Variants in CTBP1 observed in about 807,000 individuals in gnomAD.
The protein encoded by CTBP1 is C-terminal binding protein 1.
Under a neutral mutation model 42.1 loss-of-function variants are expected in CTBP1, and 11 were observed. That is an observed-to-expected ratio of 0.26 (90% CI 0.16 to 0.43). The LOEUF (loss-of-function observed/expected upper bound fraction) is 0.43, where lower values mean the gene tolerates loss of function less well. CTBP1 is among the 20% of genes least tolerant of loss of function. The pLI is 1.00. For missense variants in CTBP1, 399 were observed against 624.3 expected, an observed-to-expected ratio of 0.64 and a Z score of 3.85; for synonymous variants, 324 against 277.1, an observed-to-expected ratio of 1.17 and a Z score of -1.68.
intron 6 of CTBP1, 99 bp from the exon 7 acceptor site, chr4:1,214,572 C>G: frequency 7.1e-7 from 1 of 1,406,110 alleles, no homozygotes; most frequent in Non-Finnish European, 9.4e-7. Flanking sequence ...GAAGGCCCAG[C>G]TCCCTAGCCC....
intron 5 of CTBP1, 128 bp from the exon 6 acceptor site, chr4:1,216,333 G>A: frequency 3.1e-6 from 3 of 974,748 alleles, no homozygotes; most frequent in South Asian, 1.6e-5. Flanking sequence ...ACCAGCTGTG[G>A]TCAAGCCAAG....
At chr4:1,220,738 G>A (rs1456475999) in intron 5 of CTBP1, among the ~76,000 whole-genome samples, 1 of 152,254 alleles carries the variant, frequency 6.6e-6, no homozygotes. Flanking sequence ...CAAGCCAACC[G>A]GAAGGAGGGC....
chr4:1,213,660 A>G (rs2108702893), intron 7 of CTBP1, 55 bp from the exon 8 acceptor site: 1 of 1,581,356 alleles, frequency 6.3e-7, no homozygotes, highest in African/African-American at 1.3e-5. Flanking sequence ...CTGGGTACGG[A>G]GGGGAGGTGG....
chr4:1,219,998 G>C (rs1371055175), intron 5 of CTBP1, among the ~76,000 whole-genome samples: 1 of 152,236 alleles, frequency 6.6e-6, no homozygotes, highest in African/African-American at 2.4e-5. Context: ...CTTGAAGTCA[G>C]GAGTTCGAGC....
At chr4:1,213,864 G>T in intron 7 of CTBP1, 1 of 494,592 alleles carries the variant, frequency 2.0e-6, no homozygotes, top group Admixed American at 3.8e-5. Flanking sequence ...GAGCCCTGAT[G>T]GGGGGACATG....
At chr4:1,218,839 C>A (rs1253915512) in intron 5 of CTBP1, among the ~76,000 whole-genome samples, 3 of 152,148 alleles carry the variant, frequency 2.0e-5, no homozygotes. Flanking sequence ...AATCATTTAA[C>A]ACCTGATTAA....
rs199614101 is a variant in CTBP1 at position 1,212,301 on chromosome 4, G to A, written c.1229C>T (p.Pro410Leu). ...GGGCTTGACGGTTTGGCCAGGAGAAGGGGCGTGGGGCGGGTGGGCCACAGG... is the reference window on the plus strand; with the variant it reads ...GGGCTTGACGGTTTGGCCAGGAGAAAGGGCGTGGGGCGGGTGGGCCACAGG... The part of the protein sequence containing the change: ...LPPVAHPPHA[P>L]SPGQTVKPEA... Residue 410 changes from proline to leucine, a missense_variant, in exon 10 of 10, where the codon CCT becomes CTT. By Grantham distance (98) the Pro-to-Leu change is moderately conservative. This residue lies in a region of CTBP1 where 60 missense variants were observed against 46.5 expected (regional missense o/e 1.29). Transcript: ENST00000382952. 761 of 1,530,440 alleles carry A rather than the reference G, an allele frequency of 5.0e-4. No individual in the cohort carries two copies. Among genetic ancestry groups the A allele is most frequent in the Non-Finnish European group, 6.3e-4 (718 of 1,141,964 alleles). 94.8% of individuals were successfully genotyped at this position (1,530,440 alleles called of 1,614,324 possible).
At chr4:1,216,604 C>G in intron 5 of CTBP1, 2 of 288,118 alleles carry the variant, frequency 6.9e-6, no homozygotes, top group Non-Finnish European at 1.3e-5. Flanking sequence ...ATCCACCCAT[C>G]AATGTTTCCG....
At chr4:1,241,984 A>C (rs1225923988) in intron 1 of CTBP1, 6 of 1,007,974 alleles carry the variant, frequency 6.0e-6, no homozygotes, top group Non-Finnish European at 7.1e-6. Context: ...GGAACTTCCC[A>C]GGAGCCACCG....
chr4:1,213,307 G>A (rs1318563831), intron 8 of CTBP1, among the ~76,000 whole-genome samples, 171 bp downstream of exon 8: 1 of 152,220 alleles, frequency 6.6e-6, no homozygotes, highest in East Asian at 1.9e-4. Context: ...CACGACGCCA[G>A]GGCTCAACTT....
At chr4:1,220,578 C>A (rs751055739) in intron 5 of CTBP1, among the ~76,000 whole-genome samples, 10 of 152,248 alleles carry the variant, frequency 6.6e-5, no homozygotes, top group Non-Finnish European at 8.8e-5. Context: ...ACAGCCAAGA[C>A]CCTCGTCAAG....
chr4:1,242,971 G>A (rs1435074516), intron 1 of CTBP1: 17 of 984,842 alleles, frequency 1.7e-5, no homozygotes, highest in Non-Finnish European at 1.8e-5. Context: ...ACTCATCAAC[G>A]CCAACCGATA....
rs1731839485 is a variant in CTBP1 at position 1,238,718 on chromosome 4, C to G, written c.8-381G>C. On this transcript the variant is annotated intron_variant, in intron 2 of 9. Transcript: ENST00000382952. The surrounding 1 kb of genome is among the most constrained non-coding windows in gnomAD (Gnocchi z 5.9). ...AGAAATCTCCAGACCCTCTGAGAAC[C>G]TCCCAGACCCTCTGAGACTCCCCAA... is the stretch of plus-strand genomic sequence containing the variant. Among the ~76,000 whole-genome samples the G allele has an allele frequency of 6.6e-6, 1 of 150,942 alleles. No homozygotes were observed. Among genetic ancestry groups the G allele is most frequent in the Admixed American group, 6.6e-5 (1 of 15,194 alleles).
chr4:1,234,178 G>A (rs1560266623), intron 3 of CTBP1, among the ~76,000 whole-genome samples: 1 of 152,368 alleles, frequency 6.6e-6, no homozygotes, highest in East Asian at 1.9e-4. Context: ...TCGGCATCCA[G>A]GCAGCCCCTG....
intron 5 of CTBP1, among the ~76,000 whole-genome samples, chr4:1,219,324 C>A (rs1457890313): frequency 6.6e-6 from 1 of 152,152 alleles, no homozygotes; most frequent in Non-Finnish European, 1.5e-5. Context: ...CACACTCCAG[C>A]CCGAGTGACA....
chr4:1,244,013 A>T, intron 1 of CTBP1: 1 of 985,458 alleles, frequency 1.0e-6, no homozygotes, highest in Non-Finnish European at 1.2e-6. Flanking sequence ...AGACTGCTCT[A>T]AAACAAAAAC....
At chr4:1,246,148 C>T (rs556370171) in intron 1 of CTBP1, among the ~76,000 whole-genome samples, 4 of 152,310 alleles carry the variant, frequency 2.6e-5, no homozygotes, top group Non-Finnish European at 4.4e-5. Context: ...CGACCCAGTG[C>T]GGGGGAGAGC....
At chr4:1,242,115 G>A (rs769150600) in intron 1 of CTBP1, 146 of 985,296 alleles carry the variant, frequency 1.5e-4, no homozygotes, top group Non-Finnish European at 1.7e-4. Flanking sequence ...CAAAAAAACT[G>A]CTCAGCTCTT....
chr4:1,212,465 G>C, intron 9 of CTBP1, 42 bp from the exon 10 acceptor site: 15 of 1,389,674 alleles, frequency 1.1e-5, no homozygotes, highest in Non-Finnish European at 1.4e-5. Flanking sequence ...CCTGTAGGCG[G>C]CCTGGCCAGG....
Sources: allele counts gnomAD v4.1 joint callset (sites outside exome capture counted in the v4.1 genomes callset), GRCh38; gene constraint gnomAD v4.1.1; regional missense constraint gnomAD v4.1.1; non-coding constraint Gnocchi (gnomAD v3.1); transcripts MANE v1.5; gene names NCBI Gene and HGNC (gene_info 2026-07-23, HGNC 2026-07-21).